Variants in TMEM132D observed in about 807,000 individuals in gnomAD.
TMEM132D encodes mature OL transmembrane protein.
A neutral mutation model predicts 62.3 loss-of-function variants in TMEM132D; 21 were observed. The ratio of observed to expected loss-of-function variants is 0.34; its 90% confidence interval spans 0.24 to 0.49. The LOEUF (loss-of-function observed/expected upper bound fraction) is 0.49, where lower values mean the gene tolerates loss of function less well. Ranked by LOEUF, TMEM132D falls within the 20% of genes least tolerant of loss-of-function variation. The pLI is 0.99. For synonymous variants in TMEM132D, 621 were observed against 575.6 expected, an observed-to-expected ratio of 1.08 and a Z score of -1.13; for missense variants, 1,346 against 1,402.8, an observed-to-expected ratio of 0.96 and a Z score of 0.65.
intron 5 of TMEM132D, among the ~76,000 whole-genome samples, chr12:129,098,422 T>C (rs1875182276): frequency 6.6e-6 from 1 of 152,220 alleles, no homozygotes; most frequent in Non-Finnish European, 1.5e-5. Flanking sequence ...TTTTGCTTTT[T>C]CAAACCATGC....
intron 1 of TMEM132D, among the ~76,000 whole-genome samples, chr12:129,849,901 G>A (rs765364197): frequency 1.3e-5 from 2 of 152,142 alleles, no homozygotes; most frequent in African/African-American, 4.8e-5. Flanking sequence ...ATACCCAGGG[G>A]CTTCCCACCA....
intron 2 of TMEM132D, among the ~76,000 whole-genome samples, chr12:129,644,645 C>T (rs1879723877): frequency 6.6e-6 from 1 of 152,018 alleles, no homozygotes; most frequent in Non-Finnish European, 1.5e-5. Context: ...TATAATCTCC[C>T]TCAATGAGTA....
intron 5 of TMEM132D, among the ~76,000 whole-genome samples, chr12:129,150,427 C>G (rs777276996): frequency 6.6e-6 from 1 of 152,174 alleles, no homozygotes; most frequent in Non-Finnish European, 1.5e-5. Context: ...GTTTTTATTA[C>G]TTTTCATAAA....
chr12:129,698,827 G>C (rs1472878577), intron 2 of TMEM132D, among the ~76,000 whole-genome samples: 2 of 151,662 alleles, frequency 1.3e-5, no homozygotes, highest in African/African-American at 4.8e-5. Context: ...AAGAAGAAAA[G>C]AAAAGCTAGA....
chr12:129,451,912 A>G (rs1388390503), intron 3 of TMEM132D, among the ~76,000 whole-genome samples: 1 of 152,194 alleles, frequency 6.6e-6, no homozygotes. Flanking sequence ...ACCTGGGAGC[A>G]TTGCTACCTC....
intron 3 of TMEM132D, among the ~76,000 whole-genome samples, chr12:129,520,596 AG>A (rs67866093): frequency 0.23 from 35,414 of 152,104 alleles, 4,776 homozygotes; most frequent in Non-Finnish European, 0.29. Context: ...TATTGTGAAA[AG>A]ATTGTTATTG....
At chr12:129,683,365 A>G (rs749804261) in intron 2 of TMEM132D, among the ~76,000 whole-genome samples, 86 of 152,346 alleles carry the variant, frequency 5.6e-4, no homozygotes, top group South Asian at 1.0e-3. Flanking sequence ...TAGCACCTAC[A>G]TCATAGAATT....
intron 5 of TMEM132D, among the ~76,000 whole-genome samples, chr12:129,200,118 C>A (rs1318289666): frequency 6.6e-6 from 1 of 152,152 alleles, no homozygotes; most frequent in Non-Finnish European, 1.5e-5. Flanking sequence ...CATGAATCCA[C>A]TTGGATCTCC....
chr12:129,126,992 G>GGAC (rs1470854048), intron 5 of TMEM132D, among the ~76,000 whole-genome samples: 1 of 152,186 alleles, frequency 6.6e-6, no homozygotes, highest in Admixed American at 6.5e-5. Context: ...TGAGAGACAA[G>GGAC]GACGCAGTCT....
chr12:129,122,948 TA>T (rs1876109913), intron 5 of TMEM132D, among the ~76,000 whole-genome samples: 1 of 152,048 alleles, frequency 6.6e-6, no homozygotes, highest in African/African-American at 2.4e-5. Flanking sequence ...TCGCCTTGCA[TA>T]AAAAACTTGA....
At chr12:129,528,449 AAAAT>A (rs1279276747) in intron 3 of TMEM132D, among the ~76,000 whole-genome samples, 7 of 139,180 alleles carry the variant, frequency 5.0e-5, no homozygotes, top group African/African-American at 1.0e-4. Flanking sequence ...AAAAAAAAAA[AAAAT>A]CAAACAGTTC....
intron 1 of TMEM132D, among the ~76,000 whole-genome samples, chr12:129,753,969 T>G (rs1180880060): frequency 6.6e-6 from 1 of 152,232 alleles, no homozygotes; most frequent in Non-Finnish European, 1.5e-5. Context: ...CCCCTTTATG[T>G]TCTAGCATAG....
intron 3 of TMEM132D, among the ~76,000 whole-genome samples, chr12:129,483,515 A>G (rs1369256775): frequency 6.6e-6 from 1 of 152,256 alleles, no homozygotes; most frequent in East Asian, 1.9e-4. Flanking sequence ...CCATCAAATT[A>G]TATTTCACAT....
At chr12:129,581,409 C>T (rs1357256873) in intron 2 of TMEM132D, among the ~76,000 whole-genome samples, 1 of 152,158 alleles carries the variant, frequency 6.6e-6, no homozygotes, top group East Asian at 1.9e-4. Flanking sequence ...GGTGAAGTCC[C>T]ACCATAGGCC....
intron 3 of TMEM132D, among the ~76,000 whole-genome samples, chr12:129,473,417 C>T (rs755054516): frequency 1.1e-4 from 17 of 149,120 alleles, no homozygotes; most frequent in Non-Finnish European, 2.4e-4. Context: ...GCAACCTCCA[C>T]CTCCCAGGTT....
rs1013969748 is a variant in TMEM132D, at chr12:129,737,252, G to T, written c.80-36554C>A. 2.0e-5 allele frequency among the ~76,000 whole-genome samples: 3 copies of T among 152,140 alleles called. No homozygotes were observed. The East Asian group carries it at 5.8e-4, about 29-fold the overall frequency. On this transcript the variant is annotated intron_variant, in intron 1 of 8. Coordinates refer to ENST00000422113, the MANE Select transcript of TMEM132D (RefSeq NM_133448.3). ...CACAAATGCCACCAGCCCACCTTCA[G>T]GTGTGATAACCAAAAATGTCTCCAG...
chr12:129,522,905 T>C (rs1415849822), intron 3 of TMEM132D: 1 of 151,794 alleles, frequency 6.6e-6, no homozygotes, highest in African/African-American at 2.4e-5. Flanking sequence ...AGACACAGAT[T>C]AGATATATAT....
chr12:129,672,080 GAC>G (rs1485228089), intron 2 of TMEM132D, among the ~76,000 whole-genome samples: 1 of 152,202 alleles, frequency 6.6e-6, no homozygotes, highest in Non-Finnish European at 1.5e-5. Context: ...CAAGGGTGAA[GAC>G]AGATTCATTT....
At chr12:129,580,930 T>C (rs929181978) in intron 2 of TMEM132D, among the ~76,000 whole-genome samples, 1 of 152,092 alleles carries the variant, frequency 6.6e-6, no homozygotes, top group Non-Finnish European at 1.5e-5. Flanking sequence ...ATTGTACCAG[T>C]TTTCTCAATT....
Sources: gnomAD v4.1 joint callset for allele counts (sites outside exome capture counted in the v4.1 genomes callset) on GRCh38, gnomAD v4.1.1 for gene constraint, MANE v1.5 for transcripts, NCBI Gene and HGNC (gene_info 2026-07-23, HGNC 2026-07-21) for gene names.